CCND3: variants seen among roughly 807,000 people sequenced by gnomAD.
CCND3 encodes the protein cyclin D3, also known as G1/S-specific cyclin-D3.
Under a neutral mutation model 28.7 loss-of-function variants are expected in CCND3, and 9 were observed. The observed-to-expected ratio is 0.31, with a 90% CI of 0.19 to 0.55. The LOEUF (loss-of-function observed/expected upper bound fraction) is 0.55, where lower values mean the gene tolerates loss of function less well. Among genes scored for constraint, CCND3 ranks in the 20% least tolerant of loss-of-function variants. The pLI is 0.93. For missense variants in CCND3, 315 were observed against 385.8 expected, an observed-to-expected ratio of 0.82 and a Z score of 1.54; for synonymous variants, 164 against 163.9, an observed-to-expected ratio of 1.00 and a Z score of 0.00.
intron 1 of CCND3, 99 bp from the exon 2 acceptor site, chr6:41,940,684 C>T (rs1775974336): frequency 2.3e-6 from 2 of 871,652 alleles, no homozygotes; most frequent in Non-Finnish European, 1.9e-6. Flanking sequence ...GGAGCAAAAA[C>T]GGCAGAGAGG....
chr6:42,016,988 C>T (rs1023189271), intron 1 of CCND3, among the ~76,000 whole-genome samples: 48 of 152,160 alleles, frequency 3.2e-4, no homozygotes, highest in Non-Finnish European at 5.6e-4. Flanking sequence ...CATGGGGAAA[C>T]GTTAGATAAA....
At chr6:42,013,372 C>T (rs1380197008) in intron 1 of CCND3, among the ~76,000 whole-genome samples, 2 of 152,186 alleles carry the variant, frequency 1.3e-5, no homozygotes, top group African/African-American at 2.4e-5. Context: ...TGAGACATCC[C>T]ATTGTATGTT....
chr6:41,964,523 T>C (rs571487996), intron 1 of CCND3, among the ~76,000 whole-genome samples: 2 of 152,112 alleles, frequency 1.3e-5, no homozygotes, highest in Admixed American at 6.5e-5. Flanking sequence ...TGAGTGTGTA[T>C]GTGTGTGCAT....
rs539121330 is a variant in CCND3 at position 41,973,854 on chromosome 6, G to T, written c.-45-33269C>A. 3.3e-5 allele frequency among the ~76,000 whole-genome samples: 5 copies of T among 152,300 alleles called. No homozygotes were observed. The South Asian group carries it at 8.3e-4, about 25-fold the overall frequency. On this transcript the variant is annotated intron_variant, in intron 1 of 4. Transcript: ENST00000372988. ...CCACACAGGGTTTTCTCCTGGGTGA[G>T]AATTAAAAGAGATAACACATGTAAA... is the stretch of plus-strand genomic sequence containing the variant.
chr6:41,958,128 C>G (rs767113959), intron 1 of CCND3, among the ~76,000 whole-genome samples: 1 of 151,230 alleles, frequency 6.6e-6, no homozygotes, highest in Non-Finnish European at 1.5e-5. Flanking sequence ...TCCTGAGTAG[C>G]TGGGACTACA....
At chr6:41,962,203 C>G (rs766386834) in intron 1 of CCND3, among the ~76,000 whole-genome samples, 1 of 152,074 alleles carries the variant, frequency 6.6e-6, no homozygotes, top group Non-Finnish European at 1.5e-5. Context: ...CAGGTTCAAG[C>G]GATTCTTCTG....
chr6:42,045,079 C>A (rs1244291288), intron 1 of CCND3, among the ~76,000 whole-genome samples: 1 of 151,446 alleles, frequency 6.6e-6, no homozygotes, highest in Non-Finnish European at 1.5e-5. Flanking sequence ...GCTGGGATTA[C>A]AGGCGTGAGC....
At chr6:42,037,514 C>A (rs535945518) in intron 1 of CCND3, among the ~76,000 whole-genome samples, 11 of 151,996 alleles carry the variant, frequency 7.2e-5, no homozygotes, top group Admixed American at 1.3e-4. Flanking sequence ...GGATTACAGG[C>A]GTGAGCCACC....
In CCND3 at chr6:41,985,161, C is replaced by T. The variant is rs145339265; in HGVS notation, c.-45-44576G>A. 1.5e-3 allele frequency among the ~76,000 whole-genome samples: 221 copies of T among 152,034 alleles called. 3 individuals carry two copies. Among genetic ancestry groups the T allele is most frequent in the Middle Eastern group, 0.014 (4 of 294 alleles). ...ACAGAGTTTTAGTTTGATGCAATCC[C>T]ATTTATCCATTTTTGCTTTTGTTGC... On this transcript the variant is annotated intron_variant, in intron 1 of 4. Transcript: ENST00000372988.
At chr6:42,005,667 C>T (rs904030734) in intron 1 of CCND3, among the ~76,000 whole-genome samples, 2 of 151,728 alleles carry the variant, frequency 1.3e-5, no homozygotes, top group African/African-American at 2.4e-5. Flanking sequence ...TGATAACCCT[C>T]GGCAACATGG....
At chr6:41,954,250 TAAAAAAAAAAA>T (rs34556754) in intron 1 of CCND3, among the ~76,000 whole-genome samples, 358 of 35,160 alleles carry the variant, frequency 0.01, 14 homozygotes, top group South Asian at 0.018. Flanking sequence ...GATTCTGCCT[TAAAAAAAAAAA>T]AAAAAAAAAA....
At chr6:41,981,497 C>A (rs1261007107) in intron 1 of CCND3, among the ~76,000 whole-genome samples, 4 of 96,506 alleles carry the variant, frequency 4.1e-5, no homozygotes, top group Non-Finnish European at 1.1e-4. Context: ...GCCACCACGC[C>A]CGGCCATGAG....
At position 41,941,223 on chromosome 6, in the gene CCND3, A is replaced by G; in HGVS notation, c.198+229T>C. ...CCGTTTGCTCGGCCCGAAGAGAGGCACAGTTAGGGTGCCAAGTGACTGGCA... is the reference window on the plus strand; with the variant it reads ...CCGTTTGCTCGGCCCGAAGAGAGGCGCAGTTAGGGTGCCAAGTGACTGGCA... On this transcript the variant is annotated intron_variant, in intron 1 of 4. Coordinates refer to ENST00000372991, the MANE Select transcript of CCND3 (RefSeq NM_001760.5). This position sits in a 1 kb window ranked among gnomAD's most constrained non-coding sequence, Gnocchi z 6.1. The G allele has an allele frequency of 1.4e-6, 2 of 1,434,134 alleles. No homozygotes were observed. The highest frequency in any genetic ancestry group is 1.8e-6 in the Non-Finnish European group (2 of 1,098,222). The allele number at this position is 1,434,134 out of a possible 1,614,324, so 88.8% of individuals were successfully genotyped here.
chr6:42,025,619 C>T (rs1763852936), intron 1 of CCND3, among the ~76,000 whole-genome samples: 1 of 152,234 alleles, frequency 6.6e-6, no homozygotes, highest in Admixed American at 6.5e-5. Flanking sequence ...CCCTCCGGCA[C>T]TCTGGCCCAT....
upstream of CCND3, among the ~76,000 whole-genome samples, chr6:41,943,138 A>T (rs1776084960): frequency 6.6e-6 from 1 of 151,924 alleles, no homozygotes; most frequent in Non-Finnish European, 1.5e-5. Flanking sequence ...CTGGGATTAC[A>T]GGCGTGAGCC....
At chr6:41,972,224 T>A (rs1291831320) in intron 1 of CCND3, among the ~76,000 whole-genome samples, 1 of 8,942 alleles carries the variant, frequency 1.1e-4, no homozygotes, top group African/African-American at 3.7e-4. Flanking sequence ...CGAGACTCCA[T>A]CTCAAAAAAA....
intron 1 of CCND3, among the ~76,000 whole-genome samples, chr6:41,995,382 C>T (rs986178892): frequency 2.6e-5 from 4 of 152,018 alleles, no homozygotes; most frequent in Non-Finnish European, 5.9e-5. Flanking sequence ...CTCAGCCTCC[C>T]AAGTAGCTTG....
At chr6:42,001,213 C>A (rs569623448) in intron 1 of CCND3, among the ~76,000 whole-genome samples, 16 of 105,980 alleles carry the variant, frequency 1.5e-4, no homozygotes, top group African/African-American at 6.0e-4. Flanking sequence ...CCAGCCTGGG[C>A]AACAGAGCAA....
In CCND3 at chr6:41,936,762, C is replaced by T. The variant is rs984276784; in HGVS notation, c.575-67G>A. Reference sequence around the variant, plus strand: ...AAGGATAACGGCCAGCATGGACTTCCGACTCCTTGGAAAGTGCCAGGCAGC... The same window carrying T: ...AAGGATAACGGCCAGCATGGACTTCTGACTCCTTGGAAAGTGCCAGGCAGC... On this transcript the variant is annotated intron_variant, in intron 3 of 4. Coordinates refer to ENST00000372991, the MANE Select transcript of CCND3 (RefSeq NM_001760.5). The surrounding 1 kb of genome is among the most constrained non-coding windows in gnomAD (Gnocchi z 4.4). The T allele has an allele frequency of 5.4e-5, 83 of 1,547,092 alleles. No individual in the cohort carries two copies. The highest frequency in any genetic ancestry group is 7.1e-5 in the Non-Finnish European group (80 of 1,134,724).
Sources: gnomAD v4.1 joint callset for allele counts (sites outside exome capture counted in the v4.1 genomes callset) on GRCh38, gnomAD v4.1.1 for gene constraint, Gnocchi (gnomAD v3.1) non-coding constraint, MANE v1.5 for transcripts, NCBI Gene and HGNC (gene_info 2026-07-23, HGNC 2026-07-21) for gene names.